IQANK1: variants seen among roughly 807,000 people sequenced by gnomAD.
The protein encoded by IQANK1 is IQ motif and ankyrin repeat domain-containing protein 1.
IQANK1 carries 30 observed loss-of-function variants against 22.6 expected under a neutral mutation model. The ratio of observed to expected loss-of-function variants is 1.33; its 90% CI spans 0.99 to 1.80. The LOEUF is 1.80. Ranked by LOEUF, IQANK1 falls within the 40% of genes most tolerant of loss-of-function variation. The probability of loss-of-function intolerance (pLI) is 0.00; values close to 1 mark genes in which losing one functional copy is unlikely to be tolerated. For missense variants in IQANK1, 275 were observed against 235.2 expected (o/e 1.17, Z -1.11); for synonymous variants, 122 against 99.6 (o/e 1.23, Z -1.34).
At chr8:143,772,537 C>T (rs1319505348) in intron 7 of IQANK1, 55 bp downstream of exon 7, 1 of 397,714 alleles carries the variant, frequency 2.5e-6, no homozygotes. Context: ...GAGGTGTGGG[C>T]CTCGGGAGGT....
chr8:143,736,201 G>A (rs962892003), intron 2 of IQANK1, among the ~76,000 whole-genome samples: 4 of 150,664 alleles, frequency 2.7e-5, no homozygotes, highest in Admixed American at 6.6e-5. Context: ...GTGCAATGGC[G>A]CAATCCCTCC....
intron 7 of IQANK1, among the ~76,000 whole-genome samples, chr8:143,787,550 C>T (rs1819915249): frequency 6.6e-6 from 1 of 152,200 alleles, no homozygotes; most frequent in African/African-American, 2.4e-5. Flanking sequence ...GCTGTGTCTC[C>T]CTCCCTCCCG....
intron 3 of IQANK1, among the ~76,000 whole-genome samples, chr8:143,770,731 T>C (rs1819555854): frequency 6.6e-6 from 1 of 152,244 alleles, no homozygotes. Flanking sequence ...CTGGCACAAG[T>C]CACACCCACG....
At chr8:143,738,516 C>T (rs1010266232) in intron 2 of IQANK1, among the ~76,000 whole-genome samples, 1 of 152,184 alleles carries the variant, frequency 6.6e-6, no homozygotes, top group Non-Finnish European at 1.5e-5. Context: ...GGTGGCTCGC[C>T]TGGGCTGAGA....
chr8:143,739,589 C>T, intron 2 of IQANK1: 1 of 383,086 alleles, frequency 2.6e-6, no homozygotes, highest in Non-Finnish European at 4.6e-6. Context: ...ACCACCTGCC[C>T]ATCCTTGGGC....
intron 3 of IQANK1, chr8:143,744,528 G>C (rs910987096): frequency 3.3e-5 from 5 of 152,246 alleles, no homozygotes; most frequent in Non-Finnish European, 5.9e-5. Context: ...CGGCGTGGCA[G>C]CTCTCACTGG....
At position 143,773,251 on chromosome 8, in the gene IQANK1, G is replaced by A. The variant is rs181150705; in HGVS notation, c.789+769G>A. 2.5e-3 allele frequency among the ~76,000 whole-genome samples: 378 copies of A among 150,324 alleles called. 1 individual carries two copies. The highest frequency in any genetic ancestry group is 9.0e-3 in the African/African-American group (364 of 40,654). Reference sequence around the variant, plus strand: ...GAACCTGGGAGGCAGAGGTTGCAGCGAGCCAAGATGGCGCCACTGCACTCC... The same window carrying A: ...GAACCTGGGAGGCAGAGGTTGCAGCAAGCCAAGATGGCGCCACTGCACTCC... On this transcript the variant is annotated intron_variant, in intron 7 of 13. Transcript: ENST00000527139.
intron 3 of IQANK1, chr8:143,742,306 G>C (rs1554626644): frequency 2.2e-6 from 1 of 446,540 alleles, no homozygotes; most frequent in South Asian, 1.6e-5. Flanking sequence ...GTGCCCCCCG[G>C]GGGCTTCCCT....
intron 3 of IQANK1, among the ~76,000 whole-genome samples, chr8:143,740,474 C>T (rs369079115): frequency 8.3e-4 from 126 of 152,370 alleles, no homozygotes; most frequent in Middle Eastern, 3.4e-3. Flanking sequence ...CCAACGCGAA[C>T]TCGTCGTCGG....
chr8:143,739,659 C>T (rs1318467590), intron 2 of IQANK1, among the ~76,000 whole-genome samples, 200 bp from the exon 3 acceptor site: 5 of 152,206 alleles, frequency 3.3e-5, no homozygotes, highest in Non-Finnish European at 7.4e-5. Flanking sequence ...CCTGAGGCCC[C>T]CTGTGCAGTG....
At chr8:143,744,457 A>G (rs1332133903) in intron 3 of IQANK1, 1 of 152,308 alleles carries the variant, frequency 6.6e-6, no homozygotes, top group Non-Finnish European at 1.5e-5. Flanking sequence ...ATTTGCCAAG[A>G]TGCTAGTCAC....
intron 2 of IQANK1, among the ~76,000 whole-genome samples, chr8:143,736,964 C>T (rs1051610298): frequency 2.0e-5 from 3 of 152,160 alleles, no homozygotes; most frequent in African/African-American, 2.4e-5. Flanking sequence ...CCCAGACTGC[C>T]CCTCTGCTTA....
intron 3 of IQANK1, among the ~76,000 whole-genome samples, chr8:143,741,143 T>C (rs1021347655): frequency 6.6e-6 from 1 of 152,126 alleles, no homozygotes; most frequent in African/African-American, 2.4e-5. Flanking sequence ...GCTCTTCTGC[T>C]CTCAGTGTCA....
intron 7 of IQANK1, among the ~76,000 whole-genome samples, chr8:143,779,810 G>GT (rs782414167): frequency 5.9e-5 from 9 of 152,154 alleles, no homozygotes; most frequent in Non-Finnish European, 1.3e-4. Flanking sequence ...ACAATTCCTG[G>GT]TGCAAAGTCA....
At chr8:143,738,352 C>T (rs1266527899) in intron 2 of IQANK1, among the ~76,000 whole-genome samples, 2 of 152,230 alleles carry the variant, frequency 1.3e-5, no homozygotes, top group Admixed American at 1.3e-4. Context: ...TGGCCGTGTG[C>T]TCCCACGCCA....
chr8:143,743,147 C>A, intron 3 of IQANK1: 1 of 420,096 alleles, frequency 2.4e-6, no homozygotes, highest in Non-Finnish European at 4.9e-6. Flanking sequence ...GGAAAGCCAG[C>A]CGTGCTGTGG....
At chr8:143,743,982 C>G (rs1205820518) in intron 3 of IQANK1, 1 of 332,610 alleles carries the variant, frequency 3.0e-6, no homozygotes, top group Non-Finnish European at 5.9e-6. Context: ...TACAGGCACC[C>G]ACCACCACAC....
At chr8:143,746,224 T>TG (rs1410155844) in intron 3 of IQANK1, 6 of 152,266 alleles carry the variant, frequency 3.9e-5, no homozygotes, top group African/African-American at 1.4e-4. Context: ...AGCAGGCATT[T>TG]GCCTTGTTCC....
chr8:143,773,078 G>A (rs1819612563), intron 7 of IQANK1, among the ~76,000 whole-genome samples: 1 of 152,162 alleles, frequency 6.6e-6, no homozygotes, highest in Non-Finnish European at 1.5e-5. Flanking sequence ...AGACTGAGGC[G>A]GGTGGATCAC....
Sources: gnomAD v4.1 joint callset for allele counts (sites outside exome capture counted in the v4.1 genomes callset) on GRCh38, gnomAD v4.1.1 for gene constraint, MANE v1.5 for transcripts, NCBI Gene and HGNC (gene_info 2026-07-23, HGNC 2026-07-21) for gene names.